CLNK: variants seen among roughly 807,000 people sequenced by gnomAD.
CLNK encodes the protein cytokine-dependent hematopoietic cell linker.
In CLNK, 74 loss-of-function variants were observed where a neutral mutation model predicts 68.6. The observed-to-expected ratio is 1.08, with a 90% confidence interval of 0.89 to 1.31. The LOEUF (loss-of-function observed/expected upper bound fraction) is 1.31, where lower values mean the gene tolerates loss of function less well. Ranked by LOEUF, CLNK falls within the 50% of genes most tolerant of loss-of-function variation. The probability of loss-of-function intolerance (pLI) is 0.00; values close to 1 mark genes in which losing one functional copy is unlikely to be tolerated. For synonymous variants in CLNK, 198 were observed against 172.2 expected (o/e 1.15, Z -1.17); for missense variants, 553 against 515.3 (o/e 1.07, Z -0.71).
intron 11 of CLNK, among the ~76,000 whole-genome samples, chr4:10,537,435 A>G (rs1198707055): frequency 1.3e-5 from 2 of 152,134 alleles, no homozygotes; most frequent in African/African-American, 4.8e-5. Context: ...CTGAGATCAC[A>G]TCACTGCACT....
chr4:10,703,717 G>A, the CLNK span, among the ~76,000 whole-genome samples: 2 of 152,164 alleles, frequency 1.3e-5, no homozygotes, highest in Non-Finnish European at 2.9e-5. Flanking sequence ...GGCATATATA[G>A]AGTATAGCCT....
chr4:10,639,201 C>A (rs1049476567), intron 2 of CLNK, among the ~76,000 whole-genome samples: 1 of 152,220 alleles, frequency 6.6e-6, no homozygotes, highest in Non-Finnish European at 1.5e-5. Context: ...CCCTTTCTTG[C>A]ACTGCTGAGT....
At chr4:10,605,534 AG>A (rs1260445670) in intron 2 of CLNK, among the ~76,000 whole-genome samples, 2 of 152,158 alleles carry the variant, frequency 1.3e-5, no homozygotes, top group African/African-American at 4.8e-5. Flanking sequence ...AAGATAAAAA[AG>A]GTACACCTGG....
the CLNK span, among the ~76,000 whole-genome samples, chr4:10,707,394 C>A: frequency 6.6e-6 from 1 of 152,222 alleles, no homozygotes. Context: ...GTAAGAAAAT[C>A]TTTGAATCCA....
chr4:10,657,605 T>G (rs1208026253), intron 2 of CLNK, among the ~76,000 whole-genome samples: 1 of 152,214 alleles, frequency 6.6e-6, no homozygotes, highest in African/African-American at 2.4e-5. Flanking sequence ...CTACAGAAGA[T>G]GAACTGGATG....
intron 18 of CLNK, among the ~76,000 whole-genome samples, chr4:10,496,607 G>A (rs569594600): frequency 6.6e-6 from 1 of 152,212 alleles, no homozygotes; most frequent in Non-Finnish European, 1.5e-5. Context: ...GTTTTCAAAC[G>A]GGTGAGGGAT....
At chr4:10,704,534 T>G in the CLNK span, among the ~76,000 whole-genome samples, 2 of 152,184 alleles carry the variant, frequency 1.3e-5, no homozygotes, top group Non-Finnish European at 2.9e-5. Flanking sequence ...TCCAGACCTC[T>G]TCCCTCCCTC....
intron 1 of CLNK, among the ~76,000 whole-genome samples, chr4:10,683,849 A>G (rs895993504): frequency 1.3e-5 from 2 of 152,196 alleles, no homozygotes; most frequent in Non-Finnish European, 2.9e-5. Context: ...GCTGCGCCAC[A>G]GTATAGACAG....
At chr4:10,675,611 T>A (rs1386787042) in intron 1 of CLNK, among the ~76,000 whole-genome samples, 1 of 152,190 alleles carries the variant, frequency 6.6e-6, no homozygotes, top group Non-Finnish European at 1.5e-5. Context: ...AAAAAATGCT[T>A]TTAGGGTAAA....
intron 1 of CLNK, among the ~76,000 whole-genome samples, chr4:10,668,343 C>A (rs1425539743): frequency 6.6e-6 from 1 of 152,142 alleles, no homozygotes; most frequent in African/African-American, 2.4e-5. Context: ...TATCACTTTA[C>A]GTAGAATGCA....
intron 1 of CLNK, among the ~76,000 whole-genome samples, chr4:10,682,570 G>A (rs1725134304): frequency 6.6e-6 from 1 of 152,116 alleles, no homozygotes; most frequent in South Asian, 2.1e-4. Context: ...CTTCCTCCCA[G>A]TTTCAAATTA....
chr4:10,572,292 A>G (rs1720384164), intron 4 of CLNK, among the ~76,000 whole-genome samples: 1 of 152,242 alleles, frequency 6.6e-6, no homozygotes, highest in Admixed American at 6.5e-5. Flanking sequence ...CACCTGGCAT[A>G]AGACCCCGTA....
At chr4:10,564,804 C>T in intron 6 of CLNK, 27 bp from the exon 7 acceptor site, 3 of 1,386,364 alleles carry the variant, frequency 2.2e-6, no homozygotes, top group East Asian at 2.3e-5. Flanking sequence ...ATATGAAAGT[C>T]ATACCTTACG....
intron 2 of CLNK, among the ~76,000 whole-genome samples, chr4:10,665,884 G>A (rs558886035): frequency 6.6e-6 from 1 of 152,156 alleles, no homozygotes; most frequent in Non-Finnish European, 1.5e-5. Flanking sequence ...GCTTGTGAAT[G>A]TGACCCTGTT....
At chr4:10,563,638 G>A (rs781583206) in intron 7 of CLNK, among the ~76,000 whole-genome samples, 4 of 152,188 alleles carry the variant, frequency 2.6e-5, no homozygotes, top group Admixed American at 6.5e-5. Context: ...GCCCGGCGCG[G>A]TGGCTCACGA....
In CLNK at chr4:10,490,301, A is replaced by G. The variant is rs1716512870; in HGVS notation, c.*166T>C. The G allele has an allele frequency of 1.9e-6, 1 of 539,280 alleles. No individual in the cohort carries two copies. The highest frequency in any genetic ancestry group is 2.0e-5 in the African/African-American group (1 of 51,106). The allele number at this position is 539,280 out of a possible 1,614,324, so 33.4% of individuals were successfully genotyped here. Reference sequence around the variant, plus strand: ...TTATAAATATTTTCTCTGTGGTTTGAACTTTCAAAACCGTGAGTGATTTTC... The same window carrying G: ...TTATAAATATTTTCTCTGTGGTTTGGACTTTCAAAACCGTGAGTGATTTTC... On this transcript the variant is annotated 3_prime_UTR_variant, in exon 19 of 19. Coordinates refer to ENST00000226951, the MANE Select transcript of CLNK (RefSeq NM_052964.4).
intron 11 of CLNK, among the ~76,000 whole-genome samples, chr4:10,533,758 C>T (rs73809635): frequency 0.061 from 9,309 of 152,200 alleles, 522 homozygotes; most frequent in African/African-American, 0.14. Flanking sequence ...ATTAAAGATA[C>T]TGAAAGATTG....
chr4:10,710,483 A>T, the CLNK span, among the ~76,000 whole-genome samples: 1 of 152,190 alleles, frequency 6.6e-6, no homozygotes, highest in Non-Finnish European at 1.5e-5. Context: ...CTCTAATAAT[A>T]AGAACCAGTG....
chr4:10,557,069 CTG>C (rs1719701145), intron 8 of CLNK, among the ~76,000 whole-genome samples: 1 of 130,370 alleles, frequency 7.7e-6, no homozygotes, highest in African/African-American at 3.1e-5. Context: ...GAGCGAGACT[CTG>C]TCTCAAAATA....
Sources: allele counts gnomAD v4.1 joint callset (sites outside exome capture counted in the v4.1 genomes callset), GRCh38; gene constraint gnomAD v4.1.1; transcripts MANE v1.5; gene names NCBI Gene and HGNC (gene_info 2026-07-23, HGNC 2026-07-21).